CRYBG3: variants seen among roughly 807,000 people sequenced by gnomAD.
CRYBG3 encodes crystallin beta-gamma domain containing 3.
Under a neutral mutation model 244.2 loss-of-function variants are expected in CRYBG3, and 127 were observed. That is an observed-to-expected ratio of 0.52 (90% CI 0.45 to 0.60). CRYBG3 has a LOEUF of 0.60. CRYBG3 is among the 20% of genes least tolerant of loss of function. The pLI, the probability that CRYBG3 is intolerant of heterozygous loss-of-function variation, is 0.00. For synonymous variants in CRYBG3, 1,132 were observed against 1,195.8 expected (o/e 0.95, Z 1.10); for missense variants, 3,325 against 3,442.5 (o/e 0.97, Z 0.85).
intron 1 of CRYBG3, among the ~76,000 whole-genome samples, chr3:97,841,319 C>T (rs896687690): frequency 4.7e-5 from 7 of 149,278 alleles, no homozygotes; most frequent in East Asian, 3.9e-4. Context: ...TGTGTATATA[C>T]GCATATATAT....
Position 97,873,395 on chromosome 3 carries a change from A to T in CRYBG3, c.2201A>T (p.Glu734Val). The T allele has an allele frequency of 6.5e-7, 1 of 1,535,792 alleles. No homozygotes were observed. Among genetic ancestry groups the T allele is most frequent in the Non-Finnish European group, 8.7e-7 (1 of 1,146,772 alleles). Residue 734 changes from glutamate to valine, a missense_variant, in exon 4 of 22, where the codon GAA becomes GTA. Glu to Val is a moderately radical substitution (Grantham distance 121). Transcript: ENST00000389622. ...ACATCTGCAATTTTTGAATTCAAAG[A>T]AGTTCTTTCTAATAGTGAAAAATGC... The part of the protein sequence containing the change: ...EYTSAIFEFK[E>V]VLSNSEKCQV...
chr3:97,843,388 C>T, intron 2 of CRYBG3, 127 bp downstream of exon 2: 1 of 623,294 alleles, frequency 1.6e-6, no homozygotes. Context: ...TTGTGGAAAT[C>T]CAGCCCAACT....
At chr3:97,871,818 TA>T in intron 3 of CRYBG3, 23 bp from the exon 4 acceptor site, 1 of 1,431,974 alleles carries the variant, frequency 7.0e-7, no homozygotes, top group Non-Finnish European at 9.2e-7. Context: ...TATTTCCTGA[TA>T]CTCTCATGCT....
At position 97,879,733 on chromosome 3, in the gene CRYBG3, C is replaced by T; in HGVS notation, c.6873C>T (p.Asn2291=). 2.5e-6 allele frequency: 4 copies of T among 1,603,602 alleles called. No homozygotes were observed. The highest frequency in any genetic ancestry group is 2.6e-6 in the Non-Finnish European group (3 of 1,175,022). ...TTGACAAACAAACTCTGAGATGTAA[C>T]CCAAGACCTGGGAAGGTAAGGATAA... ...ENVDKQTLRC[N]PRPGKMVIYD... is the part of the protein sequence containing the mutation. The change falls in exon 5 of 22, where the codon AAC becomes AAT. Residue 2291 remains asparagine (N), a synonymous_variant. Transcript: ENST00000389622.
chr3:97,939,276 A>G (rs951783605), intron 19 of CRYBG3, among the ~76,000 whole-genome samples: 3 of 152,176 alleles, frequency 2.0e-5, no homozygotes, highest in East Asian at 3.9e-4. Context: ...ATTTAATTTC[A>G]AAATAATATT....
At chr3:97,840,952 C>T (rs1368094356) in intron 1 of CRYBG3, among the ~76,000 whole-genome samples, 1 of 151,552 alleles carries the variant, frequency 6.6e-6, no homozygotes, top group African/African-American at 2.4e-5. Flanking sequence ...TTCACGTTTA[C>T]TTTAAAAAAA....
At chr3:97,869,598 G>C (rs948105520) in intron 3 of CRYBG3, among the ~76,000 whole-genome samples, 2 of 152,076 alleles carry the variant, frequency 1.3e-5, no homozygotes, top group Non-Finnish European at 2.9e-5. Flanking sequence ...AATACCAATA[G>C]GGAAAGACCC....
intron 3 of CRYBG3, among the ~76,000 whole-genome samples, chr3:97,866,339 A>T (rs989481654): frequency 2.0e-5 from 3 of 152,212 alleles, no homozygotes; most frequent in African/African-American, 7.2e-5. Flanking sequence ...ACATTATAGG[A>T]ACATATATTT....
At chr3:97,938,103 T>A (rs1340526847) in intron 19 of CRYBG3, among the ~76,000 whole-genome samples, 1 of 152,020 alleles carries the variant, frequency 6.6e-6, no homozygotes, top group Non-Finnish European at 1.5e-5. Flanking sequence ...TACCTCTCTC[T>A]AATCTCTTTA....
At chr3:97,891,345 A>G (rs1322374193) in intron 10 of CRYBG3, among the ~76,000 whole-genome samples, 1 of 152,158 alleles carries the variant, frequency 6.6e-6, no homozygotes. Context: ...ACTCAAGTAT[A>G]TTATTGTAAT....
At chr3:97,899,298 A>G in intron 14 of CRYBG3, 35 bp downstream of exon 14, 2 of 1,578,530 alleles carry the variant, frequency 1.3e-6, no homozygotes, top group Non-Finnish European at 1.7e-6. Context: ...GTGCTGCATC[A>G]TGTAATAGTA....
At chr3:97,908,982 T>G (rs1559740655) in intron 15 of CRYBG3, among the ~76,000 whole-genome samples, 1 of 151,926 alleles carries the variant, frequency 6.6e-6, no homozygotes, top group Non-Finnish European at 1.5e-5. Flanking sequence ...GTCTGTAAAG[T>G]ATTTTATTTC....
At chr3:97,863,826 A>G (rs73851077) in intron 2 of CRYBG3, among the ~76,000 whole-genome samples, 1 of 152,276 alleles carries the variant, frequency 6.6e-6, no homozygotes, top group African/African-American at 2.4e-5. Flanking sequence ...AAACTCCCTT[A>G]GGAGCTGACA....
Position 97,872,598 on chromosome 3 carries a change from G to T in CRYBG3, c.1404G>T (p.Gln468His). ...AATCAATTAGGCATGAACATCTGCA[G>T]TTGCCAGAGAGTGAGTGTTCTGACA... ...PNKSIRHEHL[Q>H]LPESECSDKQ... The change falls in exon 4 of 22, where the codon CAG (glutamine) becomes CAT (histidine). Residue 468 changes from glutamine to histidine, a missense_variant. By Grantham distance (24) the Gln-to-His change is conservative (BLOSUM62 0). This residue lies in a region of CRYBG3 where 1,526 missense variants were observed against 1,443.2 expected (regional missense o/e 1.06). Coordinates refer to ENST00000389622, the MANE Select transcript of CRYBG3 (RefSeq NM_153605.4). 5 of 1,535,968 alleles carry T rather than the reference G, an allele frequency of 3.3e-6. No individual in the cohort carries two copies. Among genetic ancestry groups the T allele is most frequent in the Non-Finnish European group, 4.4e-6 (5 of 1,146,818 alleles).
intron 2 of CRYBG3, among the ~76,000 whole-genome samples, chr3:97,860,054 A>G (rs980873949): frequency 4.1e-4 from 63 of 152,240 alleles, no homozygotes; most frequent in African/African-American, 1.5e-3. Context: ...CCTTCTAGTT[A>G]AAAATCTCTG....
intron 1 of CRYBG3, among the ~76,000 whole-genome samples, chr3:97,829,817 ATCTT>A (rs2108153740): frequency 6.6e-6 from 1 of 152,312 alleles, no homozygotes; most frequent in South Asian, 2.1e-4. Flanking sequence ...CATTGCCCAA[ATCTT>A]TCTTCTCTCT....
At chr3:97,900,880 A>G (rs1575950767) in intron 15 of CRYBG3, among the ~76,000 whole-genome samples, 1 of 152,312 alleles carries the variant, frequency 6.6e-6, no homozygotes, top group Non-Finnish European at 1.5e-5. Flanking sequence ...ACGTATTTCT[A>G]ATACCTATAA....
Position 97,877,860 on chromosome 3 carries a change from A to G in CRYBG3, c.6666A>G (p.Lys2222=), listed in dbSNP as rs1027971013. The G allele has an allele frequency of 3.7e-6, 6 of 1,614,108 alleles. No individual in the cohort carries two copies. Among genetic ancestry groups the G allele is most frequent in the Non-Finnish European group, 5.1e-6 (6 of 1,180,002 alleles). ...CAGAAAAGACCTCGTTTCTCCAGAA[A>G]TCTGACCTTACTTCTAAACTACATT... is the stretch of plus-strand genomic sequence containing the variant. ...LWPEKTSFLQ[K]SDLTSKLHSS... is the part of the protein sequence containing the mutation. The change falls in exon 4 of 22, where the codon AAA becomes AAG. Residue 2222 remains lysine (K), a synonymous_variant. Transcript: ENST00000389622.
In CRYBG3 at chr3:97,880,035, T is replaced by A. The variant is rs1201209347; in HGVS notation, c.6939T>A (p.Cys2313Ter). ...GTACATATAAACAAGAAGTCTACTG[T>A]AATATTCCTGATGCTACATCATGGT... is the stretch of plus-strand genomic sequence containing the variant. ...HESTYKQEVYCNIPDATSWSF... is the reference protein window; with the variant it reads ...HESTYKQEVY The change falls in exon 6 of 22, where the codon TGT becomes TGA. Residue 2313 changes from cysteine (C) to a stop codon, truncating the protein, a stop_gained. Coordinates refer to ENST00000389622, the MANE Select transcript of CRYBG3 (RefSeq NM_153605.4). LOFTEE classifies it high-confidence loss of function. The A allele has an allele frequency of 6.2e-7, 1 of 1,603,700 alleles. No individual in the cohort carries two copies. The highest frequency in any genetic ancestry group is 1.7e-5 in the Admixed American group (1 of 59,616).
Sources: gnomAD v4.1 joint callset for allele counts (sites outside exome capture counted in the v4.1 genomes callset) on GRCh38, gnomAD v4.1.1 for gene constraint, gnomAD v4.1.1 regional missense constraint, MANE v1.5 for transcripts, NCBI Gene and HGNC (gene_info 2026-07-23, HGNC 2026-07-21) for gene names.